OR1L8: variants seen among roughly 807,000 people sequenced by gnomAD.
The protein encoded by OR1L8 is olfactory receptor 1L8.
For missense variants in OR1L8, 330 were observed against 377.4 expected, an observed-to-expected ratio of 0.87 and a Z score of 1.04; for synonymous variants, 148 against 147.0, an observed-to-expected ratio of 1.01 and a Z score of -0.05.
rs964311828 is a variant in OR1L8, at chr9:122,568,629, G to T, written c.-152C>A. On this transcript the variant is annotated 5_prime_UTR_variant, in exon 5 of 5. Transcript: ENST00000641027. ...TGTGGGATGGCTTGTTCACCTCATG[G>T]TCCTTGATGGGGTCCTCCCTTCCCA... The T allele has an allele frequency of 1.8e-6, 1 of 566,414 alleles. No individual in the cohort carries two copies. The highest frequency in any genetic ancestry group is 1.9e-5 in the African/African-American group (1 of 53,340). 35.1% of individuals were successfully genotyped at this position (566,414 alleles called of 1,614,324 possible).
At chr9:122,575,968 T>C (rs1325127005) in intron 3 of OR1L8, among the ~76,000 whole-genome samples, 1 of 152,222 alleles carries the variant, frequency 6.6e-6, no homozygotes, top group Non-Finnish European at 1.5e-5. Context: ...ATTTCACATA[T>C]ACATGAGAGT....
downstream of OR1L8, among the ~76,000 whole-genome samples, chr9:122,565,122 C>G (rs1288218219): frequency 6.6e-6 from 1 of 152,164 alleles, no homozygotes; most frequent in African/African-American, 2.4e-5. Context: ...TGTCTGGCCC[C>G]TCTTACACCC....
chr9:122,567,651 A>G lies in OR1L8; in HGVS notation c.827T>C (p.Ile276Thr), dbSNP rs1564199302. 4.3e-6 allele frequency: 7 copies of G among 1,614,076 alleles called. No homozygotes were observed. The highest frequency in any genetic ancestry group is 1.6e-4 in the Middle Eastern group (1 of 6,062). Residue 276 changes from isoleucine to threonine, a missense_variant, in exon 5 of 5, where the codon ATT becomes ACT. Transcript: ENST00000641027. Reference sequence around the variant, plus strand: ...CATGGATGACAAAACTGTGTAAACAATTGTTGCCACGTGGTCCTTGACAGC... The same window carrying G: ...CATGGATGACAAAACTGTGTAAACAGTTGTTGCCACGTGGTCCTTGACAGC... ...TYAVKDHVAT[I>T]VYTVLSSMLN...
chr9:122,564,228 A>T (rs761978595), downstream of OR1L8, among the ~76,000 whole-genome samples: 39 of 152,192 alleles, frequency 2.6e-4, no homozygotes, highest in Non-Finnish European at 5.3e-4. Flanking sequence ...CTCAGATCCA[A>T]CTTACGGTGT....
At chr9:122,546,511 C>T in the OR1L8 span, among the ~76,000 whole-genome samples, 2 of 152,220 alleles carry the variant, frequency 1.3e-5, no homozygotes, top group Middle Eastern at 6.8e-3. Context: ...AAGTGATGAC[C>T]ACCTACAGGT....
Position 122,567,486 on chromosome 9 carries a change from C to A in OR1L8, c.*62G>T. 2 of 1,253,378 alleles carry A rather than the reference C, an allele frequency of 1.6e-6. No homozygotes were observed. The highest frequency in any genetic ancestry group is 2.9e-5 in the South Asian group (2 of 69,440). 77.6% of individuals were successfully genotyped at this position (1,253,378 alleles called of 1,614,324 possible). On this transcript the variant is annotated 3_prime_UTR_variant, in exon 5 of 5. Coordinates refer to ENST00000641027, the MANE Select transcript of OR1L8 (RefSeq NM_001004454.2). ...AACAGCTTTGACTGTTCACCAGAAA[C>A]CAGTAGAAAACACGTCCAAGTTGAG...
the OR1L8 span, among the ~76,000 whole-genome samples, chr9:122,548,829 T>C: frequency 2.1e-5 from 3 of 145,108 alleles, no homozygotes; most frequent in African/African-American, 7.7e-5. Context: ...TTGTTGTTGT[T>C]GTTGAGCTGT....
Position 122,567,579 on chromosome 9 carries a change from C to A in OR1L8, c.899G>T (p.Gly300Val). Reference protein sequence around the residue: ...YSLRNKDLKQGLRKLMSKRS With the variant: ...YSLRNKDLKQVLRKLMSKRS ...TCTCTTGCTCATAAGCTTCCTCAGG[C>A]CCTGTTTCAGGTCTTTGTTTCTCAG... The change falls in exon 5 of 5, where the codon GGC (glycine) becomes GTC (valine). Residue 300 changes from glycine to valine, a missense_variant. Coordinates refer to ENST00000641027, the MANE Select transcript of OR1L8 (RefSeq NM_001004454.2). 1 of 1,600,860 alleles carries A rather than the reference C, an allele frequency of 6.2e-7. No individual in the cohort carries two copies. Among genetic ancestry groups the A allele is most frequent in the South Asian group, 1.1e-5 (1 of 87,974 alleles).
the OR1L8 span, chr9:122,553,873 A>G: frequency 4.3e-6 from 7 of 1,613,670 alleles, no homozygotes; most frequent in African/African-American, 1.3e-5. Context: ...GTCTTCTCCT[A>G]TGTCCGCATT....
At chr9:122,571,600 C>T (rs896227991) in intron 4 of OR1L8, among the ~76,000 whole-genome samples, 1 of 150,566 alleles carries the variant, frequency 6.6e-6, no homozygotes, top group Admixed American at 6.6e-5. Context: ...CCTGTAGTCC[C>T]AGCTACTCGG....
rs764889571 is a variant in OR1L8 at position 122,567,891 on chromosome 9, T to C, written c.587A>G (p.Asn196Ser). The C allele has an allele frequency of 8.1e-6, 13 of 1,614,004 alleles. No individual in the cohort carries two copies. In the Admixed American group the frequency reaches 1.2e-4, roughly 14 times the overall value. Reference protein sequence around the residue: ...LKLSCSSIFVNEIVQMTEAPI... With the variant: ...LKLSCSSIFVSEIVQMTEAPI... ...TGCTTCTGTCATCTGCACAATTTCA[T>C]TGACAAATATGGAAGAGCAGGACAA... The change falls in exon 5 of 5, where the codon AAT (asparagine) becomes AGT (serine). Residue 196 changes from asparagine (N) to serine (S), a missense_variant. Coordinates refer to ENST00000641027, the MANE Select transcript of OR1L8 (RefSeq NM_001004454.2).
At chr9:122,559,767 G>A in the OR1L8 span, among the ~76,000 whole-genome samples, 2 of 152,194 alleles carry the variant, frequency 1.3e-5, no homozygotes, top group South Asian at 2.1e-4. Flanking sequence ...TAGAATAAGT[G>A]CCATGTGGCA....
intron 4 of OR1L8, among the ~76,000 whole-genome samples, chr9:122,571,641 G>A (rs1030837965): frequency 3.2e-4 from 49 of 151,618 alleles, no homozygotes; most frequent in Admixed American, 2.0e-3. Context: ...GCTTGAACCC[G>A]GGAGGCGGAG....
chr9:122,560,015 T>G, the OR1L8 span, among the ~76,000 whole-genome samples: 1 of 152,214 alleles, frequency 6.6e-6, no homozygotes, highest in African/African-American at 2.4e-5. Context: ...GGTGCTCCTG[T>G]ATTGGGTGCA....
chr9:122,561,814 G>T, the OR1L8 span, among the ~76,000 whole-genome samples: 7 of 152,172 alleles, frequency 4.6e-5, no homozygotes, highest in African/African-American at 1.7e-4. Flanking sequence ...TCACCCAGTT[G>T]GTGGCACTGG....
At chr9:122,553,989 G>C in the OR1L8 span, 1 of 1,613,570 alleles carries the variant, frequency 6.2e-7, no homozygotes, top group Admixed American at 1.7e-5. Context: ...GTCTCTTATG[G>C]GTGTGTATTT....
At chr9:122,554,278 G>T in the OR1L8 span, 6 of 671,938 alleles carry the variant, frequency 8.9e-6, no homozygotes, top group African/African-American at 2.1e-5. Context: ...TTGACTCTGA[G>T]TTAGGGATGT....
chr9:122,549,123 G>A, the OR1L8 span, among the ~76,000 whole-genome samples: 1,254 of 152,120 alleles, frequency 8.2e-3, 59 homozygotes, highest in South Asian at 0.13. Flanking sequence ...TGGATGTGGG[G>A]CCTAGTGAGA....
In OR1L8 at chr9:122,581,819, C is replaced by T. The variant is rs1829742394; in HGVS notation, c.-600+1502G>A. Among the ~76,000 whole-genome samples the T allele has an allele frequency of 2.0e-5, 3 of 151,996 alleles. No individual in the cohort carries two copies. In the South Asian group the frequency reaches 6.2e-4, roughly 32 times the overall value. On this transcript the variant is annotated intron_variant, in intron 1 of 4. Coordinates refer to ENST00000641027, the MANE Select transcript of OR1L8 (RefSeq NM_001004454.2). The stretch of plus-strand genomic sequence containing the variant: ...AAAATCAGCAGGATGTGGTGGTACA[C>T]ATCAATTGCTTGAACCCAAAAGGTG...
Sources: gnomAD v4.1 joint callset for allele counts (sites outside exome capture counted in the v4.1 genomes callset) on GRCh38, gnomAD v4.1.1 for gene constraint, MANE v1.5 for transcripts, NCBI Gene and HGNC (gene_info 2026-07-23, HGNC 2026-07-21) for gene names.